Variants in DISP3 observed in about 807,000 individuals in gnomAD.
DISP3 encodes the protein dispatched RND transporter family member 3.
A neutral mutation model predicts 135.3 loss-of-function variants in DISP3; 101 were observed. That is an observed-to-expected ratio of 0.75 (90% CI 0.64 to 0.88). The LOEUF (loss-of-function observed/expected upper bound fraction) is 0.88, where lower values mean the gene tolerates loss of function less well. Ranked by LOEUF, DISP3 falls within the 40% of genes least tolerant of loss-of-function variation. The probability of loss-of-function intolerance (pLI) is 0.00; values close to 1 mark genes in which losing one functional copy is unlikely to be tolerated. For missense variants in DISP3, 1,713 were observed against 1,878.6 expected, an observed-to-expected ratio of 0.91 and a Z score of 1.63; for synonymous variants, 856 against 817.0, an observed-to-expected ratio of 1.05 and a Z score of -0.81.
At chr1:11,511,266 C>G (rs1641848634) in intron 3 of DISP3, among the ~76,000 whole-genome samples, 1 of 152,164 alleles carries the variant, frequency 6.6e-6, no homozygotes, top group South Asian at 2.1e-4. Flanking sequence ...CCCAAAAGTC[C>G]ACAGTCCAAA....
At chr1:11,518,290 C>A (rs1557611000) in intron 7 of DISP3, among the ~76,000 whole-genome samples, 1 of 152,094 alleles carries the variant, frequency 6.6e-6, no homozygotes, top group Non-Finnish European at 1.5e-5. Context: ...CATGGTGAGC[C>A]CCAGAGGGGC....
At chr1:11,514,885 C>T (rs2745265) in intron 4 of DISP3, among the ~76,000 whole-genome samples, 81,883 of 151,976 alleles carry the variant, frequency 0.54, 23,307 homozygotes, top group Non-Finnish European at 0.64. Flanking sequence ...TGCCATCTGC[C>T]CCCCGATCAC....
intron 3 of DISP3, among the ~76,000 whole-genome samples, chr1:11,507,563 C>T (rs1641743435): frequency 6.6e-6 from 1 of 152,216 alleles, no homozygotes; most frequent in Non-Finnish European, 1.5e-5. Flanking sequence ...ATCTGACTCC[C>T]AGCCAAGTTT....
chr1:11,532,090 C>T (rs551669361), intron 17 of DISP3, among the ~76,000 whole-genome samples: 173 of 152,292 alleles, frequency 1.1e-3, no homozygotes, highest in Non-Finnish European at 1.8e-3. Context: ...GGCAGCCTCC[C>T]TTAGGGTGGC....
Position 11,536,646 on chromosome 1 carries a change from G to A in DISP3, c.4139G>A (p.Ser1380Asn). The A allele has an allele frequency of 6.3e-7, 1 of 1,596,952 alleles. No homozygotes were observed. The highest frequency in any genetic ancestry group is 8.5e-7 in the Non-Finnish European group (1 of 1,172,886). ...GLGACLVLLQ[S>N]GYKIPLPAGA... The stretch of plus-strand genomic sequence containing the variant: ...GGTGCCTGCCTCGTGCTCCTGCAGA[G>A]CGGCTATAAGATTCCCCTGCCCGCA... The change falls in exon 21 of 21, where the codon AGC (serine) becomes AAC (asparagine). Residue 1380 changes from serine to asparagine, a missense_variant. Ser to Asn is a conservative substitution (Grantham distance 46). Around this residue, in one of 2 missense-constraint regions of DISP3, gnomAD observed 1,142 missense variants for 1,384.6 expected, o/e 0.82. Transcript: ENST00000294484. The surrounding 1 kb of genome is among the most constrained non-coding windows in gnomAD (Gnocchi z 4.3).
chr1:11,527,627 G>A (rs2100504625), intron 13 of DISP3, among the ~76,000 whole-genome samples: 1 of 152,224 alleles, frequency 6.6e-6, no homozygotes, highest in Admixed American at 6.5e-5. Flanking sequence ...CAGGGCTGGG[G>A]AGTGGAGAAC....
intron 1 of DISP3, among the ~76,000 whole-genome samples, chr1:11,488,679 G>C (rs985952331): frequency 6.6e-6 from 1 of 150,850 alleles, no homozygotes; most frequent in Non-Finnish European, 1.5e-5. Context: ...TTGCAGACAC[G>C]TGCGTGCATG....
intron 10 of DISP3, among the ~76,000 whole-genome samples, chr1:11,522,076 G>A (rs1023731385): frequency 7.9e-5 from 12 of 152,082 alleles, no homozygotes; most frequent in Non-Finnish European, 1.6e-4. Flanking sequence ...AGTGGGAGTC[G>A]GGAATGAGCC....
At chr1:11,534,810 C>G (rs902871210) in intron 18 of DISP3, 21 of 760,882 alleles carry the variant, frequency 2.8e-5, no homozygotes, top group Non-Finnish European at 4.5e-5. Flanking sequence ...ACCAGCCCCT[C>G]CTAGGTGCCT....
At chr1:11,480,712 C>CAT (rs1423222628) in intron 1 of DISP3, among the ~76,000 whole-genome samples, 4 of 141,654 alleles carry the variant, frequency 2.8e-5, no homozygotes, top group Admixed American at 2.1e-4. Flanking sequence ...CACACACACA[C>CAT]ACTGTCCTGC....
chr1:11,492,214 T>G (rs1442705753), intron 1 of DISP3, among the ~76,000 whole-genome samples: 2 of 151,830 alleles, frequency 1.3e-5, no homozygotes, highest in African/African-American at 4.8e-5. Context: ...TTTTACAGAT[T>G]TCCCTCTTGG....
rs1183286915 is a variant in DISP3 at position 11,519,359 on chromosome 1, C to T, written c.1894C>T (p.His632Tyr). The change falls in exon 8 of 21, where the codon CAC becomes TAC. Residue 632 changes from histidine (H) to tyrosine (Y), a missense_variant. Around this residue, in one of 2 missense-constraint regions of DISP3, gnomAD observed 1,142 missense variants for 1,384.6 expected, o/e 0.82. Transcript: ENST00000294484. The surrounding 1 kb of genome is among the most constrained non-coding windows in gnomAD (Gnocchi z 4.3). ...PLESSCQTSC[H>Y]QNCSRKTSLH... is the part of the protein sequence containing the mutation. ...TGTCCCCTACTCTCTCCACAGCTGCCACCAGAATTGCAGCCGGAAGACCTC... is the reference window on the plus strand; with the variant it reads ...TGTCCCCTACTCTCTCCACAGCTGCTACCAGAATTGCAGCCGGAAGACCTC... 2 of 1,613,772 alleles carry T rather than the reference C, an allele frequency of 1.2e-6. No homozygotes were observed. The highest frequency in any genetic ancestry group is 2.2e-5 in the South Asian group (2 of 91,074).
rs374034542 is a variant in DISP3, at chr1:11,529,903, G to A, written c.3046G>A (p.Gly1016Ser). The A allele has an allele frequency of 1.1e-5, 18 of 1,613,828 alleles. No homozygotes were observed. The highest frequency in any genetic ancestry group is 3.3e-5 in the South Asian group (3 of 91,082). The change falls in exon 15 of 21, where the codon GGC becomes AGC. Residue 1016 changes from glycine to serine, a missense_variant. Around this residue, in one of 2 missense-constraint regions of DISP3, gnomAD observed 1,142 missense variants for 1,384.6 expected, o/e 0.82. Coordinates refer to ENST00000294484, the MANE Select transcript of DISP3 (RefSeq NM_020780.2). The surrounding 1 kb of genome is among the most constrained non-coding windows in gnomAD (Gnocchi z 4.7). Reference sequence around the variant, plus strand: ...CGGGGCCATGGTCTTTGTGGTCTTCGGCATTATTGGCGTCAACCGCACTCG... The same window carrying A: ...CGGGGCCATGGTCTTTGTGGTCTTCAGCATTATTGGCGTCAACCGCACTCG... Reference protein sequence around the residue: ...DTGAMVFVVFGIIGVNRTRQV... With the variant: ...DTGAMVFVVFSIIGVNRTRQV...
chr1:11,533,688 G>A (rs1229003602), intron 17 of DISP3: 22 of 678,638 alleles, frequency 3.2e-5, no homozygotes, highest in East Asian at 3.0e-4. Flanking sequence ...CTCACCACAC[G>A]GCAAGGTGCC....
intron 10 of DISP3, among the ~76,000 whole-genome samples, chr1:11,523,194 C>T (rs1642297408): frequency 6.6e-6 from 1 of 152,228 alleles, no homozygotes; most frequent in Non-Finnish European, 1.5e-5. Context: ...CTCAGGATGG[C>T]TGTGAGGATT....
At chr1:11,490,767 T>C (rs1641162180) in intron 1 of DISP3, among the ~76,000 whole-genome samples, 1 of 152,122 alleles carries the variant, frequency 6.6e-6, no homozygotes. Flanking sequence ...GGATGGGCTC[T>C]GACATTACCT....
rs200478139 is a variant in DISP3, at chr1:11,519,398, G to A, written c.1933G>A (p.Gly645Arg). 94 of 1,613,736 alleles carry A rather than the reference G, an allele frequency of 5.8e-5. No individual in the cohort carries two copies. Among genetic ancestry groups the A allele is most frequent in the African/African-American group, 4.0e-4 (30 of 75,012 alleles). Residue 645 changes from glycine (G) to arginine (R), a missense_variant, in exon 8 of 21, where the codon GGA (glycine) becomes AGA (arginine). This residue lies in a region of DISP3 where 1,142 missense variants were observed against 1,384.6 expected (regional missense o/e 0.82). Coordinates refer to ENST00000294484, the MANE Select transcript of DISP3 (RefSeq NM_020780.2). The surrounding 1 kb of genome is among the most constrained non-coding windows in gnomAD (Gnocchi z 4.3). ...CSRKTSLHFP[G>R]DVFAAPEQVG... ...CCGGAAGACCTCCCTGCACTTCCCC[G>A]GAGACGTGTTTGCCGCTCCCGAGCA...
chr1:11,490,534 G>T (rs1641155284), intron 1 of DISP3, among the ~76,000 whole-genome samples: 1 of 152,244 alleles, frequency 6.6e-6, no homozygotes, highest in East Asian at 1.9e-4. Context: ...CTCCCAAAGT[G>T]CTGGGATTAC....
intron 3 of DISP3, among the ~76,000 whole-genome samples, chr1:11,508,037 C>T (rs1170238547): frequency 6.6e-6 from 1 of 152,210 alleles, no homozygotes; most frequent in Non-Finnish European, 1.5e-5. Context: ...TTTATTGAGG[C>T]ATAGTTGACA....
Sources: gnomAD v4.1 joint callset for allele counts (sites outside exome capture counted in the v4.1 genomes callset) on GRCh38, gnomAD v4.1.1 for gene constraint, gnomAD v4.1.1 regional missense constraint, Gnocchi (gnomAD v3.1) non-coding constraint, MANE v1.5 for transcripts, NCBI Gene and HGNC (gene_info 2026-07-23, HGNC 2026-07-21) for gene names.